The following MCL1 variants were observed in gnomAD, a reference collection of about 807,000 sequenced individuals.
MCL1 encodes the protein MCL1 apoptosis regulator, BCL2 family member, also known as induced myeloid leukemia cell differentiation protein Mcl-1.
A neutral mutation model predicts 24.2 loss-of-function variants in MCL1; 4 were observed. That is an observed-to-expected ratio of 0.17 (90% CI 0.08 to 0.38). The LOEUF is 0.38. Among genes scored for constraint, MCL1 ranks in the 10% least tolerant of loss-of-function variants. MCL1 has a pLI of 1.00. For synonymous variants in MCL1, 248 were observed against 214.0 expected, an observed-to-expected ratio of 1.16 and a Z score of -1.39; for missense variants, 529 against 480.3, an observed-to-expected ratio of 1.10 and a Z score of -0.95.
chr1:150,577,103 A>C lies in MCL1; in HGVS notation c.*272T>G, dbSNP rs587745463. ...TCTTTCCACCCTACCATCTTCACTAAATCTAAAAGTCCTCCTCCATAGCTT... is the reference window on the plus strand; with the variant it reads ...TCTTTCCACCCTACCATCTTCACTACATCTAAAAGTCCTCCTCCATAGCTT... On this transcript the variant is annotated 3_prime_UTR_variant, in exon 3 of 3. Transcript: ENST00000369026. 6.8e-4 allele frequency: 239 copies of C among 352,016 alleles called. No individual in the cohort carries two copies. Among genetic ancestry groups the C allele is most frequent in the African/African-American group, 4.1e-3 (200 of 48,534 alleles). The allele number at this position is 352,016 out of a possible 1,614,324, so 21.8% of individuals were successfully genotyped here. A position where few individuals can be genotyped will look rare whatever the true frequency, so the allele number is the denominator to read the frequency against.
rs1009069990 is a variant in MCL1 at position 150,574,751 on chromosome 1, T to C, written c.*2624A>G. ...ACATGAAACACTAGAGGACTGCATG[T>C]TTTTCCCTGAGAGAAGCGTAAGACA... On this transcript the variant is annotated 3_prime_UTR_variant, in exon 3 of 3. Transcript: ENST00000369026. 1.3e-5 allele frequency: 3 copies of C among 232,772 alleles called. No homozygotes were observed. The highest frequency in any genetic ancestry group is 4.4e-5 in the African/African-American group (2 of 45,268). The allele number at this position is 232,772 out of a possible 1,614,324, so 14.4% of individuals were successfully genotyped here. A position where few individuals can be genotyped will look rare whatever the true frequency, so the allele number is the denominator to read the frequency against.
chr1:150,575,664 G>A lies in MCL1; in HGVS notation c.*1711C>T, dbSNP rs1647767220. 1 of 232,898 alleles carries A rather than the reference G, an allele frequency of 4.3e-6. No homozygotes were observed. Among genetic ancestry groups the A allele is most frequent in the African/African-American group, 2.2e-5 (1 of 45,298 alleles). The allele number at this position is 232,898 out of a possible 1,614,324, so 14.4% of individuals were successfully genotyped here. On this transcript the variant is annotated 3_prime_UTR_variant, in exon 3 of 3. Transcript: ENST00000369026. ...CACAGCACCCATGGTATTACCACCT[G>A]CTAACAGGATCAAGTTCGTGAAAGA...
Position 150,579,086 on chromosome 1 carries a change from C to G in MCL1, c.445G>C (p.Glu149Gln), listed in dbSNP as rs746792176. ...AVLPLLELVG[E>Q]SGNNTSTDGS... The stretch of plus-strand genomic sequence containing the variant: ...TCCGTACTGGTGTTATTACCAGATT[C>G]CCCGACCAACTCCAGCAGCGGCAGG... The change falls in exon 1 of 3, where the codon GAA becomes CAA. Residue 149 changes from glutamate to glutamine, a missense_variant. Transcript: ENST00000369026. The G allele has an allele frequency of 6.2e-7, 1 of 1,613,052 alleles. No homozygotes were observed. Among genetic ancestry groups the G allele is most frequent in the South Asian group, 1.1e-5 (1 of 91,092 alleles).
chr1:150,578,054 T>C (rs1039772142), intron 2 of MCL1, among the ~76,000 whole-genome samples, 190 bp downstream of exon 2: 3 of 152,196 alleles, frequency 2.0e-5, no homozygotes, highest in African/African-American at 7.2e-5. Context: ...TTTGATACAA[T>C]TCAAGACCGC....
rs766145988 is a variant in MCL1, at chr1:150,578,809, G to A, written c.688+34C>T. 5 of 1,584,248 alleles carry A rather than the reference G, an allele frequency of 3.2e-6. No homozygotes were observed. In the South Asian group the frequency reaches 3.4e-5, roughly 11 times the overall value. On this transcript the variant is annotated intron_variant, in intron 1 of 2. Coordinates refer to ENST00000369026, the MANE Select transcript of MCL1 (RefSeq NM_021960.5). ...AGTCCGGGGAGAGATGGAAAAAAGG[G>A]AGTGAGGCCTTGGCGATTAATGAAC...
Position 150,579,562 on chromosome 1 carries a change from A to T in MCL1, c.-32T>A. 6.4e-7 allele frequency: 1 copy of T among 1,574,760 alleles called. No individual in the cohort carries two copies. The highest frequency in any genetic ancestry group is 8.6e-7 in the Non-Finnish European group (1 of 1,161,498). On this transcript the variant is annotated 5_prime_UTR_variant, in exon 1 of 3. Coordinates refer to ENST00000369026, the MANE Select transcript of MCL1 (RefSeq NM_021960.5). ...TCGCCGCCGCCGCCTGGCTGAGAAA[A>T]CTGGGGAAGACCCCGACTCCTTACT...
In MCL1 at chr1:150,576,819, G is replaced by A. The variant is rs1001994935; in HGVS notation, c.*556C>T. On this transcript the variant is annotated 3_prime_UTR_variant, in exon 3 of 3. Coordinates refer to ENST00000369026, the MANE Select transcript of MCL1 (RefSeq NM_021960.5). ...TAAGAATCATGGAAACCAAGCCAAA[G>A]TATAACAGGTATAAAAGTCCTGAAC... 4 of 232,896 alleles carry A rather than the reference G, an allele frequency of 1.7e-5. No individual in the cohort carries two copies. Among genetic ancestry groups the A allele is most frequent in the African/African-American group, 8.8e-5 (4 of 45,410 alleles). The allele number at this position is 232,896 out of a possible 1,614,324, so 14.4% of individuals were successfully genotyped here.
In MCL1 at chr1:150,576,871, G is replaced by A. The variant is rs745392352; in HGVS notation, c.*504C>T. 4.3e-6 allele frequency: 1 copy of A among 233,432 alleles called. No homozygotes were observed. Among genetic ancestry groups the A allele is most frequent in the Non-Finnish European group, 8.5e-6 (1 of 117,966 alleles). 14.5% of individuals were successfully genotyped at this position (233,432 alleles called of 1,614,324 possible). On this transcript the variant is annotated 3_prime_UTR_variant, in exon 3 of 3. Transcript: ENST00000369026. ...CTTGGACTTTCTAAGAAGTATACTG[G>A]GAAAGCTAATTAGAGAGAGGAAAAG...
At chr1:150,577,601 CA>C in intron 2 of MCL1, 110 bp from the exon 3 acceptor site, 1 of 1,161,916 alleles carries the variant, frequency 8.6e-7, no homozygotes, top group Non-Finnish European at 1.2e-6. Context: ...CCCCCTAAAG[CA>C]ATAGTAAACC....
In MCL1 at chr1:150,579,384, C is replaced by T; in HGVS notation, c.147G>A (p.Gly49=). 1 of 1,542,214 alleles carries T rather than the reference C, an allele frequency of 6.5e-7. No individual in the cohort carries two copies. The highest frequency in any genetic ancestry group is 8.7e-7 in the Non-Finnish European group (1 of 1,150,842). ...EKEASARREI[G]GGEAGAVIGG... ...CAATCACCGCGCCGGCCTCCCCTCC[C>T]CCTATCTCTCGCCGGGCCGAGGCCT... Residue 49 remains glycine (G), a synonymous_variant, in exon 1 of 3, where the codon GGG becomes GGA. Transcript: ENST00000369026.
Position 150,579,313 on chromosome 1 carries a change from G to C in MCL1, c.218C>G (p.Ser73Cys), listed in dbSNP as rs977733870. 1 of 1,480,388 alleles carries C rather than the reference G, an allele frequency of 6.8e-7. No homozygotes were observed. Among genetic ancestry groups the C allele is most frequent in the Non-Finnish European group, 8.9e-7 (1 of 1,122,454 alleles). 91.7% of individuals were successfully genotyped at this position (1,480,388 alleles called of 1,614,324 possible). Residue 73 changes from serine to cysteine, a missense_variant, in exon 1 of 3, where the codon TCC becomes TGC. By Grantham distance (112) the Ser-to-Cys change is moderately radical. Coordinates refer to ENST00000369026, the MANE Select transcript of MCL1 (RefSeq NM_021960.5). ...ASPPSTLTPD[S>C]RRVARPPPIG... Reference sequence around the variant, plus strand: ...GGGCGGCGGCCGCGCGACCCTCCGGGAGTCTGGCGTGAGGGTGGACGGGGG... The same window carrying C: ...GGGCGGCGGCCGCGCGACCCTCCGGCAGTCTGGCGTGAGGGTGGACGGGGG...
Position 150,579,472 on chromosome 1 carries a change from C to G in MCL1, c.59G>C (p.Gly20Ala). The G allele has an allele frequency of 6.3e-7, 1 of 1,593,412 alleles. No homozygotes were observed. The highest frequency in any genetic ancestry group is 2.4e-5 in the East Asian group (1 of 41,696). Reference sequence around the variant, plus strand: ...GGCGCCGCCGCTGCCGGCCCCCAAGCCGGCCCCCCCACAGTAGAGGTTGAG... The same window carrying G: ...GGCGCCGCCGCTGCCGGCCCCCAAGGCGGCCCCCCCACAGTAGAGGTTGAG... ...IGLNLYCGGA[G>A]LGAGSGGATR... The change falls in exon 1 of 3, where the codon GGC becomes GCC. Residue 20 changes from glycine (G) to alanine (A), a missense_variant. Coordinates refer to ENST00000369026, the MANE Select transcript of MCL1 (RefSeq NM_021960.5).
At chr1:150,578,719 A>G in intron 1 of MCL1, 124 bp downstream of exon 1, 1 of 1,141,232 alleles carries the variant, frequency 8.8e-7, no homozygotes, top group Non-Finnish European at 1.2e-6. Context: ...TTCTGGCTTC[A>G]GGAATAGGAT....
chr1:150,579,462 G>A lies in MCL1; in HGVS notation c.69C>T (p.Ala23=), dbSNP rs765026578. 1.9e-6 allele frequency: 3 copies of A among 1,591,470 alleles called. No individual in the cohort carries two copies. Among genetic ancestry groups the A allele is most frequent in the East Asian group, 2.4e-5 (1 of 41,592 alleles). The part of the protein sequence containing the change: ...NLYCGGAGLG[A]GSGGATRPGG... ...CCGGGCGGGTGGCGCCGCCGCTGCC[G>A]GCCCCCAAGCCGGCCCCCCCACAGT... The change falls in exon 1 of 3, where the codon GCC becomes GCT. Residue 23 remains alanine, a synonymous_variant. Transcript: ENST00000369026.
In MCL1 at chr1:150,579,597, CG is replaced by C; in HGVS notation, c.-68del. On this transcript the variant is annotated 5_prime_UTR_variant, in exon 1 of 3. Transcript: ENST00000369026. ...ACCCCGACTCCTTACTGGAAGGAAG[CG>C]GAAGTGAGAAGTGGCGAGCAGCTCC... 1 of 1,503,498 alleles carries C rather than the reference CG, an allele frequency of 6.7e-7. No homozygotes were observed. Among genetic ancestry groups the C allele is most frequent in the South Asian group, 1.2e-5 (1 of 83,544 alleles). The allele number at this position is 1,503,498 out of a possible 1,614,324, so 93.1% of individuals were successfully genotyped here. A position where few individuals can be genotyped will look rare whatever the true frequency, so the allele number is the denominator to read the frequency against.
rs757180810 is a variant in MCL1, at chr1:150,578,997, C to G, written c.534G>C (p.Ser178=). ...EEEEDELYRQ[S]LEIISRYLRE... ...GAAGGTACCGAGAGATAATCTCCAG[C>G]GACTGCCGGTACAACTCGTCCTCCT... is the stretch of plus-strand genomic sequence containing the variant. The change falls in exon 1 of 3, where the codon TCG becomes TCC. Residue 178 remains serine, a synonymous_variant. Coordinates refer to ENST00000369026, the MANE Select transcript of MCL1 (RefSeq NM_021960.5). The G allele has an allele frequency of 6.2e-7, 1 of 1,613,634 alleles. No individual in the cohort carries two copies.
intron 1 of MCL1, 172 bp from the exon 2 acceptor site, chr1:150,578,663 C>G (rs192865756): frequency 1.9e-6 from 2 of 1,028,922 alleles, no homozygotes; most frequent in Admixed American, 5.5e-5. Context: ...GCTGCCATTT[C>G]CAAAAGAATC....
chr1:150,578,578 G>A (rs1000303125), intron 1 of MCL1, 87 bp from the exon 2 acceptor site: 5 of 1,517,496 alleles, frequency 3.3e-6, no homozygotes, highest in South Asian at 1.2e-5. Context: ...CGGGAAAATC[G>A]CTACTGGGAT....
intron 1 of MCL1, 56 bp from the exon 2 acceptor site, chr1:150,578,547 G>A (rs1292730320): frequency 2.5e-6 from 4 of 1,594,330 alleles, no homozygotes; most frequent in Non-Finnish European, 3.4e-6. Flanking sequence ...ACCGGCGCAA[G>A]ATTCGCCTGC....
Sources: allele counts gnomAD v4.1 joint callset (sites outside exome capture counted in the v4.1 genomes callset), GRCh38; gene constraint gnomAD v4.1.1; transcripts MANE v1.5; gene names NCBI Gene and HGNC (gene_info 2026-07-23, HGNC 2026-07-21).